The following ERBB4 variants were observed in gnomAD, a reference collection of about 807,000 sequenced individuals.
ERBB4 encodes receptor tyrosine-protein kinase erbB-4.
Under a neutral mutation model 158.0 loss-of-function variants are expected in ERBB4, and 42 were observed. That is an observed-to-expected ratio of 0.27 (90% CI 0.21 to 0.34). The LOEUF (loss-of-function observed/expected upper bound fraction) is 0.34, where lower values mean the gene tolerates loss of function less well. Ranked by LOEUF, ERBB4 falls within the 10% of genes least tolerant of loss-of-function variation. ERBB4 has a pLI of 1.00. For synonymous variants in ERBB4, 583 were observed against 558.7 expected (o/e 1.04, Z -0.61); for missense variants, 1,333 against 1,624.1 (o/e 0.82, Z 3.08).
intron 2 of ERBB4, among the ~76,000 whole-genome samples, chr2:211,948,911 T>C (rs990300646): frequency 6.6e-6 from 1 of 151,942 alleles, no homozygotes; most frequent in Non-Finnish European, 1.5e-5. Flanking sequence ...ACATCCTTAC[T>C]TGGATGTCTA....
intron 2 of ERBB4, among the ~76,000 whole-genome samples, chr2:212,073,693 T>C (rs1475213039): frequency 2.6e-5 from 4 of 151,800 alleles, no homozygotes; most frequent in Non-Finnish European, 5.9e-5. Context: ...GAGTGATGAG[T>C]GGATCTGGGC....
chr2:211,778,716 C>T (rs1294598435), intron 4 of ERBB4: 1 of 152,242 alleles, frequency 6.6e-6, no homozygotes, highest in African/African-American at 2.4e-5. Context: ...TCTCGCTCCA[C>T]TTGGCAGGTG....
At chr2:212,198,282 T>C (rs1441545907) in intron 1 of ERBB4, among the ~76,000 whole-genome samples, 1 of 152,158 alleles carries the variant, frequency 6.6e-6, no homozygotes, top group Non-Finnish European at 1.5e-5. Flanking sequence ...ACATTCAAGT[T>C]ATTGCACAAT....
intron 1 of ERBB4, among the ~76,000 whole-genome samples, chr2:212,406,769 A>T (rs987101095): frequency 2.6e-5 from 4 of 152,104 alleles, no homozygotes; most frequent in Non-Finnish European, 5.9e-5. Context: ...TACTTGCATT[A>T]TGAGTCCTTC....
At chr2:212,015,929 T>C (rs1181625404) in intron 2 of ERBB4, among the ~76,000 whole-genome samples, 1 of 152,250 alleles carries the variant, frequency 6.6e-6, no homozygotes, top group South Asian at 2.1e-4. Context: ...CATTTTTACA[T>C]ATTTGATTGC....
chr2:211,552,523 C>T (rs544201313), intron 20 of ERBB4, among the ~76,000 whole-genome samples: 3 of 151,986 alleles, frequency 2.0e-5, no homozygotes, highest in Admixed American at 6.6e-5. Context: ...TAGAATCACC[C>T]TTTCAACTAG....
chr2:212,133,618 T>C (rs2080179141), intron 1 of ERBB4, among the ~76,000 whole-genome samples: 1 of 150,606 alleles, frequency 6.6e-6, no homozygotes, highest in Non-Finnish European at 1.5e-5. Flanking sequence ...AATAAATATA[T>C]GGACTTCAGA....
At chr2:212,283,937 A>G (rs931961599) in intron 1 of ERBB4, among the ~76,000 whole-genome samples, 3 of 152,020 alleles carry the variant, frequency 2.0e-5, no homozygotes, top group Non-Finnish European at 4.4e-5. Context: ...CTCTTTCCTA[A>G]AGCCTCAAAC....
intron 1 of ERBB4, among the ~76,000 whole-genome samples, chr2:212,236,424 T>C (rs1020499518): frequency 6.6e-6 from 1 of 152,184 alleles, no homozygotes; most frequent in African/African-American, 2.4e-5. Flanking sequence ...GGCCTGAAAT[T>C]TTCTTCTTTT....
intron 2 of ERBB4, among the ~76,000 whole-genome samples, chr2:212,101,069 C>T (rs1185076957): frequency 6.6e-6 from 1 of 151,708 alleles, no homozygotes. Context: ...GGCAAGGGAC[C>T]AGTTCTTGAT....
chr2:211,605,919 T>C (rs2068963482), intron 19 of ERBB4, among the ~76,000 whole-genome samples: 1 of 152,064 alleles, frequency 6.6e-6, no homozygotes, highest in Non-Finnish European at 1.5e-5. Flanking sequence ...ATCTTTTATA[T>C]CAAGATTCTA....
chr2:211,632,077 G>GA, intron 16 of ERBB4, among the ~76,000 whole-genome samples: 1 of 152,042 alleles, frequency 6.6e-6, no homozygotes, highest in East Asian at 1.9e-4. Context: ...TAAAACTGCA[G>GA]AAAAATCTAA....
chr2:211,623,542 G>A (rs2069717279), intron 18 of ERBB4, among the ~76,000 whole-genome samples: 1 of 152,128 alleles, frequency 6.6e-6, no homozygotes, highest in African/African-American at 2.4e-5. Flanking sequence ...AAGGATTATG[G>A]TATATTGCCC....
At chr2:211,713,461 G>C (rs2073781965) in intron 8 of ERBB4, 74 bp downstream of exon 8, 1 of 879,278 alleles carries the variant, frequency 1.1e-6, no homozygotes, top group Non-Finnish European at 1.9e-6. Context: ...TAAAAAGTTG[G>C]TCTACTTAAA....
rs1040684050 is a variant in ERBB4 at position 211,800,474 on chromosome 2, GAAAAC to G, written c.422-12320_422-12316del. Among the ~76,000 whole-genome samples the G allele has an allele frequency of 2.0e-5, 3 of 152,016 alleles. No homozygotes were observed. The East Asian group carries it at 5.8e-4, about 29-fold the overall frequency. Reference sequence around the variant, plus strand: ...AAGGAAAGCGTGAGTAATCTAAATGGAAAACAAAACAAAACAAAACAGTTTAAGCA... The same window carrying G: ...AAGGAAAGCGTGAGTAATCTAAATGGAAAACAAAACAAAACAGTTTAAGCA... On this transcript the variant is annotated intron_variant, in intron 3 of 27. Coordinates refer to ENST00000342788, the MANE Select transcript of ERBB4 (RefSeq NM_005235.3).
intron 1 of ERBB4, among the ~76,000 whole-genome samples, chr2:212,243,899 T>C (rs2084212125): frequency 6.6e-6 from 1 of 152,198 alleles, no homozygotes; most frequent in South Asian, 2.1e-4. Context: ...GATCCCTAGT[T>C]CCTTCAAGTA....
intron 3 of ERBB4, among the ~76,000 whole-genome samples, chr2:211,824,572 CAA>C (rs2105951306): frequency 6.6e-6 from 1 of 151,884 alleles, no homozygotes; most frequent in African/African-American, 2.4e-5. Flanking sequence ...AATGCTACTT[CAA>C]AAGTTTTATG....
intron 1 of ERBB4, among the ~76,000 whole-genome samples, chr2:212,183,569 A>C (rs1357439761): frequency 6.6e-6 from 1 of 152,078 alleles, no homozygotes; most frequent in East Asian, 1.9e-4. Context: ...GAATTTTGAA[A>C]GGAATGTAAT....
At position 212,082,073 on chromosome 2, in the gene ERBB4, T is replaced by C. The variant is rs184074306; in HGVS notation, c.234+42679A>G. Among the ~76,000 whole-genome samples, 613 of 152,262 alleles carry C rather than the reference T, an allele frequency of 4.0e-3. 2 individuals are homozygous for C. Among genetic ancestry groups the C allele is most frequent in the Non-Finnish European group, 6.2e-3 (420 of 67,994 alleles). On this transcript the variant is annotated intron_variant, in intron 2 of 27. Coordinates refer to ENST00000342788, the MANE Select transcript of ERBB4 (RefSeq NM_005235.3). ...AAAGCCAGGTGATCTTTCATATTTA[T>C]GAAATAATTTTTCAGTTAGTGACAC...
Sources: allele counts gnomAD v4.1 joint callset (sites outside exome capture counted in the v4.1 genomes callset), GRCh38; gene constraint gnomAD v4.1.1; transcripts MANE v1.5; gene names NCBI Gene and HGNC (gene_info 2026-07-23, HGNC 2026-07-21).